SSH2: variants seen among roughly 807,000 people sequenced by gnomAD.
SSH2 encodes the protein protein phosphatase Slingshot homolog 2.
Under a neutral mutation model 135.2 loss-of-function variants are expected in SSH2, and 37 were observed. The ratio of observed to expected loss-of-function variants is 0.27; its 90% CI spans 0.21 to 0.36. SSH2 has a LOEUF of 0.36. Among genes scored for constraint, SSH2 ranks in the 10% least tolerant of loss-of-function variants. The pLI is 1.00. For missense variants in SSH2, 1,408 were observed against 1,765.3 expected (o/e 0.80, Z 3.63); for synonymous variants, 628 against 646.2 (o/e 0.97, Z 0.43).
chr17:29,634,535 T>G (rs939013741), intron 15 of SSH2, among the ~76,000 whole-genome samples: 3 of 135,790 alleles, frequency 2.2e-5, no homozygotes, highest in Non-Finnish European at 4.9e-5. Context: ...GCAAATTCAT[T>G]TCCTTTTGAT....
At chr17:29,789,467 A>T (rs1456515740) in intron 3 of SSH2, among the ~76,000 whole-genome samples, 1 of 152,202 alleles carries the variant, frequency 6.6e-6, no homozygotes, top group African/African-American at 2.4e-5. Flanking sequence ...ATGAAATGGA[A>T]TAAAGGAAGA....
chr17:29,800,694 G>A (rs2042235591), intron 2 of SSH2, among the ~76,000 whole-genome samples: 2 of 151,378 alleles, frequency 1.3e-5, no homozygotes, highest in African/African-American at 4.8e-5. Context: ...ATAATTAAAT[G>A]ACTAAATATT....
intron 9 of SSH2, among the ~76,000 whole-genome samples, chr17:29,668,550 C>T (rs2037365674): frequency 6.6e-6 from 1 of 151,792 alleles, no homozygotes; most frequent in African/African-American, 2.4e-5. Flanking sequence ...AGGCAATTGG[C>T]AAAACCGCGT....
chr17:29,723,429 G>T (rs2039886668), intron 3 of SSH2, among the ~76,000 whole-genome samples: 1 of 152,148 alleles, frequency 6.6e-6, no homozygotes, highest in Non-Finnish European at 1.5e-5. Context: ...GCTTTATATA[G>T]TGCCCAGTGT....
chr17:29,713,355 A>AC (rs1378159177), intron 3 of SSH2, among the ~76,000 whole-genome samples: 4 of 150,606 alleles, frequency 2.7e-5, no homozygotes, highest in East Asian at 4.0e-4. Context: ...AACAAACAAA[A>AC]CCCCCCCAAA....
chr17:29,656,462 C>T (rs1353936609), intron 11 of SSH2, among the ~76,000 whole-genome samples: 3 of 152,158 alleles, frequency 2.0e-5, no homozygotes, highest in African/African-American at 4.8e-5. Flanking sequence ...AGGTGTGAGA[C>T]ACCGCGCAGG....
intron 3 of SSH2, among the ~76,000 whole-genome samples, chr17:29,712,866 C>G (rs919373217): frequency 1.3e-5 from 2 of 152,066 alleles, no homozygotes; most frequent in Non-Finnish European, 2.9e-5. Flanking sequence ...CAACTGAAGC[C>G]CAGAGAATTT....
intron 3 of SSH2, chr17:29,761,025 A>C (rs2041275280): frequency 2.0e-6 from 2 of 1,002,936 alleles, no homozygotes; most frequent in African/African-American, 3.4e-5. Flanking sequence ...GGAGACCTCC[A>C]GGCAAGCAGG....
chr17:29,786,773 G>T (rs2041973951), intron 3 of SSH2, among the ~76,000 whole-genome samples: 1 of 152,084 alleles, frequency 6.6e-6, no homozygotes, highest in Non-Finnish European at 1.5e-5. Context: ...GCAACATAGG[G>T]AGACCCTGTC....
intron 1 of SSH2, among the ~76,000 whole-genome samples, chr17:29,876,840 CAGGCAACCTA>C (rs2066043012): frequency 6.6e-6 from 1 of 151,660 alleles, no homozygotes; most frequent in Admixed American, 6.6e-5. Context: ...CCCACATGCA[CAGGCAACCTA>C]AGCAAAAATG....
At chr17:29,642,924 A>G (rs995349059) in intron 14 of SSH2, among the ~76,000 whole-genome samples, 1 of 152,200 alleles carries the variant, frequency 6.6e-6, no homozygotes, top group African/African-American at 2.4e-5. Flanking sequence ...ACCCAGGGCC[A>G]CCCTGGATAA....
chr17:29,695,135 ATTTC>A (rs1161787615), intron 5 of SSH2, among the ~76,000 whole-genome samples: 2 of 152,028 alleles, frequency 1.3e-5, no homozygotes, highest in African/African-American at 4.8e-5. Context: ...ATCTAGAATA[ATTTC>A]TTTCTACCAA....
At chr17:29,633,603 G>A (rs2035778802) in intron 15 of SSH2, among the ~76,000 whole-genome samples, 1 of 152,200 alleles carries the variant, frequency 6.6e-6, no homozygotes, top group Non-Finnish European at 1.5e-5. Flanking sequence ...TTCCTTCTGG[G>A]AAAGGTTTAC....
intron 1 of SSH2, among the ~76,000 whole-genome samples, chr17:29,919,959 G>A (rs1194716500): frequency 1.3e-5 from 2 of 152,150 alleles, no homozygotes; most frequent in Non-Finnish European, 2.9e-5. Context: ...GCCCAGGCTG[G>A]AGTGCAATGG....
chr17:29,648,940 A>G (rs919573868), intron 13 of SSH2, among the ~76,000 whole-genome samples: 1 of 152,210 alleles, frequency 6.6e-6, no homozygotes, highest in Non-Finnish European at 1.5e-5. Flanking sequence ...GGAGTTCAAG[A>G]CCAACCTGGA....
At chr17:29,862,727 T>C (rs2065785977) in intron 1 of SSH2, among the ~76,000 whole-genome samples, 1 of 152,224 alleles carries the variant, frequency 6.6e-6, no homozygotes, top group Non-Finnish European at 1.5e-5. Flanking sequence ...AATTAGCCTA[T>C]TTCATTTGCA....
chr17:29,720,295 C>T (rs1437076692), intron 3 of SSH2, among the ~76,000 whole-genome samples: 1 of 152,082 alleles, frequency 6.6e-6, no homozygotes, highest in African/African-American at 2.4e-5. Context: ...TCAACCTTAC[C>T]AGTAACTCTC....
intron 3 of SSH2, among the ~76,000 whole-genome samples, chr17:29,706,826 G>A (rs1028672998): frequency 1.3e-5 from 2 of 152,168 alleles, no homozygotes; most frequent in Non-Finnish European, 2.9e-5. Context: ...CTCCTTTTGT[G>A]AGATAGGTAG....
chr17:29,829,281 C>G (rs2042797577), intron 2 of SSH2, among the ~76,000 whole-genome samples: 1 of 152,124 alleles, frequency 6.6e-6, no homozygotes, highest in Admixed American at 6.5e-5. Flanking sequence ...ATTTCCATTC[C>G]TTGGATGAAG....
Sources: allele counts gnomAD v4.1 joint callset (sites outside exome capture counted in the v4.1 genomes callset), GRCh38; gene constraint gnomAD v4.1.1; transcripts MANE v1.5; gene names NCBI Gene and HGNC (gene_info 2026-07-23, HGNC 2026-07-21).